The following ACSM3 variants were observed in gnomAD, a reference collection of about 807,000 sequenced individuals.
The protein encoded by ACSM3 is acyl-CoA synthetase medium chain family member 3.
In ACSM3, 61 loss-of-function variants were observed where a neutral mutation model predicts 74.1. That is an observed-to-expected ratio of 0.82 (90% CI 0.67 to 1.02). The LOEUF (loss-of-function observed/expected upper bound fraction) is 1.02, where lower values mean the gene tolerates loss of function less well. ACSM3 is among the 50% of genes least tolerant of loss of function. ACSM3 has a pLI of 0.00. For missense variants in ACSM3, 660 were observed against 697.0 expected, an observed-to-expected ratio of 0.95 and a Z score of 0.60; for synonymous variants, 213 against 241.5, an observed-to-expected ratio of 0.88 and a Z score of 1.09.
rs904773820 is a variant in ACSM3, at chr16:20,792,010, T to C, written c.1335T>C (p.Pro445=). The change falls in exon 11 of 14, where the codon CCT becomes CCC. Residue 445 remains proline, a synonymous_variant. Coordinates refer to ENST00000289416, the MANE Select transcript of ACSM3 (RefSeq NM_005622.4). ...TGCTATTTGTTTTGCAGGATAATCC[T>C]TCAAAAACAGCTTCAACTCTACGAG... ...FGLFTHYVDN[P]SKTASTLRGN... is the part of the protein sequence containing the mutation. 1 of 1,613,942 alleles carries C rather than the reference T, an allele frequency of 6.2e-7. No homozygotes were observed. Among genetic ancestry groups the C allele is most frequent in the African/African-American group, 1.3e-5 (1 of 74,920 alleles).
intron 1 of ACSM3, chr16:20,729,582 A>T (rs2079819194): frequency 2.7e-6 from 1 of 367,564 alleles, no homozygotes; most frequent in Admixed American, 3.8e-5. Flanking sequence ...TTAAAGTAGC[A>T]ACTTTATATT....
At chr16:20,791,709 T>C (rs929359970) in intron 10 of ACSM3, among the ~76,000 whole-genome samples, 2 of 152,086 alleles carry the variant, frequency 1.3e-5, no homozygotes. Flanking sequence ...GGCGGATCAC[T>C]TGAGGTAAGG....
At chr16:20,681,005 G>C (rs924424052) in intron 1 of ACSM3, 2 of 152,196 alleles carry the variant, frequency 1.3e-5, no homozygotes, top group Admixed American at 1.3e-4. Flanking sequence ...CACAAAAATA[G>C]ACACAAATGT....
chr16:20,792,060 G>A lies in ACSM3; in HGVS notation c.1385G>A (p.Arg462Lys). The part of the protein sequence containing the change: ...LRGNFYITGD[R>K]GYMDKDGYFW... ...GGCAATTTCTATATCACTGGGGACA[G>A]AGGATATATGGATAAAGATGGGTAT... The change falls in exon 11 of 14, where the codon AGA (arginine) becomes AAA (lysine). Residue 462 changes from arginine to lysine, a missense_variant. Transcript: ENST00000289416. 1.2e-6 allele frequency: 2 copies of A among 1,614,130 alleles called. No homozygotes were observed. The highest frequency in any genetic ancestry group is 1.7e-6 in the Non-Finnish European group (2 of 1,179,950).
Position 20,780,981 on chromosome 16 carries a change from C to T in ACSM3, c.790C>T (p.Leu264=). ...LGLSVNGRFW[L]DLTPSDVMWN... Reference sequence around the variant, plus strand: ...TACTCTTTGTTTTCCCAGGTTCTGGCTAGATTTGACACCCTCAGATGTGAT... The same window carrying T: ...TACTCTTTGTTTTCCCAGGTTCTGGTTAGATTTGACACCCTCAGATGTGAT... The change falls in exon 6 of 14, where the codon CTA becomes TTA. Residue 264 remains leucine (L), a synonymous_variant. Coordinates refer to ENST00000289416, the MANE Select transcript of ACSM3 (RefSeq NM_005622.4). 1.9e-6 allele frequency: 3 copies of T among 1,614,124 alleles called. No individual in the cohort carries two copies. Among genetic ancestry groups the T allele is most frequent in the Non-Finnish European group, 2.5e-6 (3 of 1,180,012 alleles).
chr16:20,736,936 C>G, intron 1 of ACSM3: 1 of 1,614,084 alleles, frequency 6.2e-7, no homozygotes, highest in Non-Finnish European at 8.5e-7. Flanking sequence ...CTTGCAAGTT[C>G]AGGTTTGGCT....
At chr16:20,742,210 A>C (rs941838872) in intron 1 of ACSM3, 1 of 397,424 alleles carries the variant, frequency 2.5e-6, no homozygotes, top group Admixed American at 4.0e-5. Flanking sequence ...TGAGGCATTC[A>C]TTCATCCAGC....
chr16:20,712,971 C>A (rs1204240244), intron 1 of ACSM3, among the ~76,000 whole-genome samples: 2 of 151,572 alleles, frequency 1.3e-5, no homozygotes, highest in Non-Finnish European at 2.9e-5. Flanking sequence ...GTAAACCCTG[C>A]TGAATAACAG....
chr16:20,737,038 C>A, intron 1 of ACSM3: 1 of 1,614,178 alleles, frequency 6.2e-7, no homozygotes, highest in Non-Finnish European at 8.5e-7. Flanking sequence ...TTTTTTCCTT[C>A]TGCTGTGTTG....
chr16:20,720,795 T>C (rs757181572), intron 1 of ACSM3, among the ~76,000 whole-genome samples: 2 of 152,372 alleles, frequency 1.3e-5, no homozygotes, highest in Non-Finnish European at 2.9e-5. Flanking sequence ...CCTTTATAGA[T>C]GTATACTATT....
chr16:20,738,636 T>G (rs570538964), intron 1 of ACSM3: 214 of 425,784 alleles, frequency 5.0e-4, no homozygotes, highest in East Asian at 4.7e-3. Context: ...GCCCCTTATT[T>G]ACACAGAACT....
intron 1 of ACSM3, among the ~76,000 whole-genome samples, chr16:20,692,387 T>C (rs546959067): frequency 1.1e-4 from 17 of 152,330 alleles, no homozygotes; most frequent in East Asian, 5.8e-4. Flanking sequence ...TTCCAGGCTA[T>C]AGGTAAATTT....
At chr16:20,757,609 T>C (rs2080042030) in intron 3 of ACSM3, among the ~76,000 whole-genome samples, 1 of 149,626 alleles carries the variant, frequency 6.7e-6, no homozygotes, top group South Asian at 2.1e-4. Flanking sequence ...CCTCTTTTCC[T>C]AATTGAATAC....
chr16:20,696,090 A>G (rs1416572447), intron 1 of ACSM3, among the ~76,000 whole-genome samples: 4 of 152,204 alleles, frequency 2.6e-5, no homozygotes, highest in African/African-American at 9.7e-5. Context: ...AACAAGCTAC[A>G]TAGGTTTGTA....
At chr16:20,706,106 A>G (rs372894180) in intron 1 of ACSM3, among the ~76,000 whole-genome samples, 1 of 135,092 alleles carries the variant, frequency 7.4e-6, no homozygotes, top group Non-Finnish European at 1.7e-5. Flanking sequence ...GTGTGTGTGT[A>G]TACATAAAAA....
intron 1 of ACSM3, among the ~76,000 whole-genome samples, chr16:20,765,471 T>A (rs1407216448): frequency 6.6e-6 from 1 of 152,180 alleles, no homozygotes; most frequent in East Asian, 1.9e-4. Context: ...ATTCTGAATG[T>A]GGTGTAGAGT....
chr16:20,681,222 T>TAAAAGCAAC (rs2152307711), intron 1 of ACSM3: 1 of 152,194 alleles, frequency 6.6e-6, no homozygotes, highest in East Asian at 1.9e-4. Flanking sequence ...TTATTGGCAA[T>TAAAAGCAAC]ACAAGCAACA....
At chr16:20,742,111 T>C in intron 1 of ACSM3, 1 of 1,204,262 alleles carries the variant, frequency 8.3e-7, no homozygotes, top group Non-Finnish European at 1.1e-6. Flanking sequence ...TTCTGCCAGC[T>C]ACTGTGGAGG....
At chr16:20,714,690 T>A (rs1443407932) in intron 1 of ACSM3, among the ~76,000 whole-genome samples, 1 of 151,868 alleles carries the variant, frequency 6.6e-6, no homozygotes, top group African/African-American at 2.4e-5. Context: ...GTACCATCGG[T>A]TGGAGAGAGA....
Sources: allele counts gnomAD v4.1 joint callset (sites outside exome capture counted in the v4.1 genomes callset), GRCh38; gene constraint gnomAD v4.1.1; transcripts MANE v1.5; gene names NCBI Gene and HGNC (gene_info 2026-07-23, HGNC 2026-07-21).